The following ZNF786 variants were observed in gnomAD, a reference collection of about 807,000 sequenced individuals.
ZNF786 encodes zinc finger protein 786.
A neutral mutation model predicts 63.1 loss-of-function variants in ZNF786; 56 were observed. The ratio of observed to expected loss-of-function variants is 0.89; its 90% CI spans 0.72 to 1.11. The LOEUF (loss-of-function observed/expected upper bound fraction) is 1.11, where lower values mean the gene tolerates loss of function less well. ZNF786 is among the 50% of genes least tolerant of loss of function. The pLI is 0.00. For missense variants in ZNF786, 1,213 were observed against 1,041.8 expected (o/e 1.16, Z -2.26); for synonymous variants, 485 against 406.9 (o/e 1.19, Z -2.31).
rs1462458733 is a variant in ZNF786, at chr7:149,070,601, C to T, written c.2171G>A (p.Arg724His). 14 of 1,613,884 alleles carry T rather than the reference C, an allele frequency of 8.7e-6. No individual in the cohort carries two copies. The highest frequency in any genetic ancestry group is 1.3e-5 in the African/African-American group (1 of 74,946). ...RERGHMLRHQ[R>H]IHRPERPFAC... ...AAAGGGCCTCTCGGGCCTGTGGATG[C>T]GCTGGTGCCTCAGCATGTGTCCCCT... Residue 724 changes from arginine to histidine, a missense_variant, in exon 4 of 4, where the codon CGC becomes CAC. Coordinates refer to ENST00000491431, the MANE Select transcript of ZNF786 (RefSeq NM_152411.4).
At position 149,070,865 on chromosome 7, in the gene ZNF786, A is replaced by T; in HGVS notation, c.1907T>A (p.Met636Lys). Residue 636 changes from methionine (M) to lysine (K), a missense_variant, in exon 4 of 4, where the codon ATG becomes AAG. Physicochemically the swap from Met to Lys is moderately conservative, Grantham distance 95 (BLOSUM62 -1). Coordinates refer to ENST00000491431, the MANE Select transcript of ZNF786 (RefSeq NM_152411.4). ...CDKRYRVKAD[M>K]KAHQLLHSGE... is the part of the protein sequence containing the mutation. ...GCTGTGCAGCAGCTGGTGGGCCTTC[A>T]TGTCGGCCTTCACGCGATAGCGCTT... 6.2e-7 allele frequency: 1 copy of T among 1,613,640 alleles called. No homozygotes were observed. Among genetic ancestry groups the T allele is most frequent in the Non-Finnish European group, 8.5e-7 (1 of 1,179,942 alleles).
At chr7:149,078,692 A>T in intron 2 of ZNF786, among the ~76,000 whole-genome samples, 1 of 152,184 alleles carries the variant, frequency 6.6e-6, no homozygotes, top group East Asian at 1.9e-4. Context: ...CTCAAAAAAA[A>T]AAAAGTTAAC....
At chr7:149,089,842 T>A (rs1006264523) in intron 1 of ZNF786, among the ~76,000 whole-genome samples, 2 of 150,830 alleles carry the variant, frequency 1.3e-5, no homozygotes, top group Non-Finnish European at 3.0e-5. Flanking sequence ...GCCTCCCGAG[T>A]AGCTGGGATT....
chr7:149,079,890 T>G (rs1228828277), intron 2 of ZNF786, among the ~76,000 whole-genome samples: 1 of 146,146 alleles, frequency 6.8e-6, no homozygotes, highest in Non-Finnish European at 1.5e-5. Flanking sequence ...TTAAAACACT[T>G]CAGGCCAGGC....
chr7:149,074,505 C>G lies in ZNF786; in HGVS notation c.179G>C (p.Trp60Ser). 6.2e-7 allele frequency: 1 copy of G among 1,613,838 alleles called. No homozygotes were observed. Among genetic ancestry groups the G allele is most frequent in the South Asian group, 1.1e-5 (1 of 91,080 alleles). The change falls in exon 3 of 4, where the codon TGG (tryptophan) becomes TCG (serine). Residue 60 changes from tryptophan (W) to serine (S), a missense_variant. By Grantham distance (177) the Trp-to-Ser change is radical (BLOSUM62 -3). Coordinates refer to ENST00000491431, the MANE Select transcript of ZNF786 (RefSeq NM_152411.4). ...GAAGGGCTCTCCCCCGTGTTCAATCCAGGATATTAGTTCTGGTTTTGGAAG... is the reference window on the plus strand; with the variant it reads ...GAAGGGCTCTCCCCCGTGTTCAATCGAGGATATTAGTTCTGGTTTTGGAAG... The part of the protein sequence containing the change: ...DGLPKPELIS[W>S]IEHGGEPFRK...
intron 2 of ZNF786, among the ~76,000 whole-genome samples, chr7:149,074,795 C>CA (rs1351918374): frequency 6.6e-6 from 1 of 151,150 alleles, no homozygotes; most frequent in Non-Finnish European, 1.5e-5. Context: ...GTATTTTGTC[C>CA]AAAAACAAAA....
At chr7:149,085,955 T>C (rs1325604418) in intron 1 of ZNF786, among the ~76,000 whole-genome samples, 2 of 152,236 alleles carry the variant, frequency 1.3e-5, no homozygotes, top group African/African-American at 4.8e-5. Context: ...TTTGCTGAAG[T>C]TGTTTTATCA....
chr7:149,084,373 A>AG (rs1563140103), intron 1 of ZNF786, among the ~76,000 whole-genome samples: 2 of 151,258 alleles, frequency 1.3e-5, no homozygotes, highest in African/African-American at 4.8e-5. Flanking sequence ...AAAAAAAAAA[A>AG]GTTAATTTTG....
chr7:149,081,185 C>T (rs1411891962), intron 1 of ZNF786: 6 of 455,876 alleles, frequency 1.3e-5, no homozygotes, highest in Non-Finnish European at 2.6e-5. Context: ...TGCCTGTAAT[C>T]CCAGCACTTT....
chr7:149,080,817 G>T, intron 1 of ZNF786, 100 bp from the exon 2 acceptor site: 1 of 1,424,008 alleles, frequency 7.0e-7, no homozygotes, highest in Non-Finnish European at 9.5e-7. Flanking sequence ...GTGGACAAAT[G>T]TTTTTGGTTG....
At chr7:149,075,664 T>TTTG (rs1563138046) in intron 2 of ZNF786, among the ~76,000 whole-genome samples, 5 of 115,952 alleles carry the variant, frequency 4.3e-5, no homozygotes, top group Non-Finnish European at 7.1e-5. Context: ...GGTTTTTTTT[T>TTTG]TTTTTTTTTT....
chr7:149,075,655 GTTTTTTTTTTTT>G (rs1165713050), intron 2 of ZNF786, among the ~76,000 whole-genome samples: 6 of 69,466 alleles, frequency 8.6e-5, no homozygotes, highest in Middle Eastern at 0.021. Flanking sequence ...CACACTTCAG[GTTTTTTTTTTTT>G]TTTTTTTTTT....
rs1316909813 is a variant in ZNF786, at chr7:149,071,776, G to A, written c.996C>T (p.Ala332=). ...TCTGTCCCGAGTGCACACTGCTGGA[G>A]GCCCCGCGGCCTTCTCTCCAAGAGG... The part of the protein sequence containing the change: ...GPASWREGRG[A]SSSVHSGQKP... The change falls in exon 4 of 4, where the codon GCC becomes GCT. Residue 332 remains alanine, a synonymous_variant. Coordinates refer to ENST00000491431, the MANE Select transcript of ZNF786 (RefSeq NM_152411.4). The A allele has an allele frequency of 3.8e-6, 6 of 1,581,452 alleles. No individual in the cohort carries two copies. In the Admixed American group the frequency reaches 5.1e-5, roughly 14 times the overall value.
rs147898859 is a variant in ZNF786 at position 149,086,626 on chromosome 7, TCA to T, written c.18+3995_18+3996del. On this transcript the variant is annotated intron_variant, in intron 1 of 3. Transcript: ENST00000491431. ...GTGGGTGACAGAGCGACACTCTGTC[TCA>T]CACACACACACACACACACACATAC... 5.5e-3 allele frequency among the ~76,000 whole-genome samples: 813 copies of T among 147,672 alleles called. 8 individuals are homozygous for T. Among genetic ancestry groups the T allele is most frequent in the African/African-American group, 0.018 (725 of 39,930 alleles).
intron 2 of ZNF786, among the ~76,000 whole-genome samples, chr7:149,077,226 G>A (rs938721595): frequency 9.2e-5 from 14 of 152,138 alleles, no homozygotes; most frequent in Non-Finnish European, 1.8e-4. Context: ...ATCAAATTCC[G>A]CAGAAAGCTC....
Position 149,070,355 on chromosome 7 carries a change from GGC to G in ZNF786, c.*66_*67del. On this transcript the variant is annotated 3_prime_UTR_variant, in exon 4 of 4. Transcript: ENST00000491431. ...CTAAAACCCGTCTACCAGCGGGTCT[GGC>G]TACTGTTGCTGTGGATTCCTGGGCA... The G allele has an allele frequency of 6.4e-7, 1 of 1,565,502 alleles. No homozygotes were observed. Among genetic ancestry groups the G allele is most frequent in the Non-Finnish European group, 8.7e-7 (1 of 1,153,576 alleles).
In ZNF786 at chr7:149,074,546, G is replaced by C; in HGVS notation, c.146-8C>G. On this transcript the variant is annotated splice_region_variant and splice_polypyrimidine_tract_variant and intron_variant, in intron 2 of 3. Transcript: ENST00000491431. ...GTTTTGGAAGTCCATCATCTGCACA[G>C]AGAAGTCAGACAGGGTAGTTTGGCT... 1 of 1,611,628 alleles carries C rather than the reference G, an allele frequency of 6.2e-7. No homozygotes were observed. The highest frequency in any genetic ancestry group is 8.5e-7 in the Non-Finnish European group (1 of 1,179,076).
chr7:149,076,065 A>G (rs1225820779), intron 2 of ZNF786, among the ~76,000 whole-genome samples: 3 of 151,906 alleles, frequency 2.0e-5, no homozygotes, highest in East Asian at 1.9e-4. Flanking sequence ...CATTATTCCT[A>G]TGCATGTTCT....
chr7:149,086,710 A>G (rs887825493), intron 1 of ZNF786, among the ~76,000 whole-genome samples: 1 of 152,060 alleles, frequency 6.6e-6, no homozygotes, highest in Non-Finnish European at 1.5e-5. Context: ...AGCAAGACAG[A>G]AGGGGGGATG....
Sources: gnomAD v4.1 joint callset for allele counts (sites outside exome capture counted in the v4.1 genomes callset) on GRCh38, gnomAD v4.1.1 for gene constraint, MANE v1.5 for transcripts, NCBI Gene and HGNC (gene_info 2026-07-23, HGNC 2026-07-21) for gene names.